PCDH9: variants seen among roughly 807,000 people sequenced by gnomAD.
PCDH9 encodes protocadherin 9, also known as protocadherin-9.
Under a neutral mutation model 70.6 loss-of-function variants are expected in PCDH9, and 24 were observed. That is an observed-to-expected ratio of 0.34 (90% confidence interval 0.25 to 0.48). The LOEUF (loss-of-function observed/expected upper bound fraction) is 0.48, where lower values mean the gene tolerates loss of function less well. Among genes scored for constraint, PCDH9 ranks in the 20% least tolerant of loss-of-function variants. PCDH9 has a pLI of 0.99. For synonymous variants in PCDH9, 562 were observed against 558.5 expected (o/e 1.01, Z -0.09); for missense variants, 1,281 against 1,503.6 (o/e 0.85, Z 2.45).
intron 3 of PCDH9, among the ~76,000 whole-genome samples, chr13:66,635,852 T>C (rs1293811842): frequency 1.3e-5 from 2 of 152,138 alleles, no homozygotes; most frequent in African/African-American, 4.8e-5. Context: ...GTTTTCTGCA[T>C]AAAATAGTCT....
At chr13:66,325,353 T>C (rs1305160444) in intron 4 of PCDH9, among the ~76,000 whole-genome samples, 18 of 152,068 alleles carry the variant, frequency 1.2e-4, no homozygotes, top group Admixed American at 1.1e-3. Context: ...CCCAGCTCCA[T>C]GAATTAAGGT....
At chr13:66,874,984 G>C (rs1478738693) in intron 3 of PCDH9, among the ~76,000 whole-genome samples, 1 of 150,964 alleles carries the variant, frequency 6.6e-6, no homozygotes, top group African/African-American at 2.4e-5. Context: ...ATGTAGAAGG[G>C]GGAGGGAGGA....
rs66460017 is a variant in PCDH9 at position 67,214,935 on chromosome 13, G to GATATATATATATATATATATAT, written c.3036+10448_3036+10469dup. ...CTGAGTGTCTGGCTATTGCGAGCCA[G>GATATATATATATATATATATAT]ATATATATATATATATATATATATA... On this transcript the variant is annotated intron_variant, in intron 2 of 4. Coordinates refer to ENST00000377865, the MANE Select transcript of PCDH9 (RefSeq NM_203487.3). 712 of 89,180 alleles carry GATATATATATATATATATATAT rather than the reference G, an allele frequency of 8.0e-3. 202 individuals carry two copies. Among genetic ancestry groups the GATATATATATATATATATATAT allele is most frequent in the Middle Eastern group, 0.019 (3 of 154 alleles). 5.5% of individuals were successfully genotyped at this position (89,180 alleles called of 1,614,324 possible).
At chr13:66,613,360 C>T (rs1566455939) in intron 4 of PCDH9, among the ~76,000 whole-genome samples, 1 of 152,094 alleles carries the variant, frequency 6.6e-6, no homozygotes, top group Admixed American at 6.5e-5. Context: ...ATTTTTAAAC[C>T]TTTTGTCTTG....
At chr13:66,685,207 T>G (rs1309666513) in intron 3 of PCDH9, among the ~76,000 whole-genome samples, 1 of 152,070 alleles carries the variant, frequency 6.6e-6, no homozygotes, top group African/African-American at 2.4e-5. Context: ...AAAAATGGTG[T>G]TGTGGGCCAG....
chr13:66,412,046 T>C (rs1957379921), intron 4 of PCDH9, among the ~76,000 whole-genome samples: 1 of 152,230 alleles, frequency 6.6e-6, no homozygotes, highest in African/African-American at 2.4e-5. Context: ...TTACCTGCTG[T>C]TGACCTTTTC....
At chr13:67,132,195 A>T (rs896656459) in intron 2 of PCDH9, among the ~76,000 whole-genome samples, 1 of 152,186 alleles carries the variant, frequency 6.6e-6, no homozygotes, top group Admixed American at 6.6e-5. Flanking sequence ...TATAAAAACA[A>T]GAAAAGAATG....
At chr13:66,424,750 A>T (rs1957639370) in intron 4 of PCDH9, among the ~76,000 whole-genome samples, 1 of 151,974 alleles carries the variant, frequency 6.6e-6, no homozygotes, top group Admixed American at 6.6e-5. Flanking sequence ...GTCTGAGATG[A>T]TCACATTTAT....
chr13:67,089,729 C>T (rs556207352), intron 2 of PCDH9, among the ~76,000 whole-genome samples: 3 of 152,062 alleles, frequency 2.0e-5, no homozygotes, highest in East Asian at 3.9e-4. Context: ...ATAGTCAATC[C>T]TCTAGAACAT....
At chr13:66,938,338 C>T (rs993973539) in intron 2 of PCDH9, among the ~76,000 whole-genome samples, 2 of 152,038 alleles carry the variant, frequency 1.3e-5, no homozygotes, top group Non-Finnish European at 2.9e-5. Context: ...TAAAGCATTG[C>T]TATTTGAAAA....
chr13:66,422,878 T>C (rs904845969), intron 4 of PCDH9, among the ~76,000 whole-genome samples: 1 of 152,040 alleles, frequency 6.6e-6, no homozygotes, highest in African/African-American at 2.4e-5. Flanking sequence ...AGCTGGTTTT[T>C]TGAAAAAGAT....
chr13:66,674,687 A>G (rs1332239489), intron 3 of PCDH9, among the ~76,000 whole-genome samples: 1 of 152,106 alleles, frequency 6.6e-6, no homozygotes, highest in Non-Finnish European at 1.5e-5. Context: ...CTCTATGGCA[A>G]TTGTTGATAT....
intron 2 of PCDH9, among the ~76,000 whole-genome samples, chr13:66,951,929 T>C (rs982481088): frequency 2.6e-5 from 4 of 152,128 alleles, no homozygotes; most frequent in Non-Finnish European, 5.9e-5. Flanking sequence ...CCCCTTCCTA[T>C]AAAATAAACA....
chr13:66,374,354 A>C (rs1278952320), intron 4 of PCDH9, among the ~76,000 whole-genome samples: 1 of 152,054 alleles, frequency 6.6e-6, no homozygotes, highest in Non-Finnish European at 1.5e-5. Context: ...CAGAACATGA[A>C]GAGGAGATAG....
chr13:67,127,676 A>ATATGTG (rs1555310054), intron 2 of PCDH9, among the ~76,000 whole-genome samples: 10,381 of 145,412 alleles, frequency 0.071, 381 homozygotes, highest in Non-Finnish European at 0.083. Context: ...ATATATATAT[A>ATATGTG]TGTGTGTGTG....
intron 2 of PCDH9, among the ~76,000 whole-genome samples, chr13:67,095,902 T>C (rs181471326): frequency 9.8e-5 from 15 of 152,290 alleles, no homozygotes; most frequent in Non-Finnish European, 2.1e-4. Context: ...AGAAACTAAA[T>C]GCCTTTGCTA....
intron 2 of PCDH9, among the ~76,000 whole-genome samples, chr13:66,906,429 C>T (rs17081998): frequency 0.017 from 2,554 of 152,278 alleles, 69 homozygotes; most frequent in African/African-American, 0.057. Context: ...TAGAATTGGA[C>T]TTAATATAAG....
chr13:66,400,490 C>A (rs1480972807), intron 4 of PCDH9, among the ~76,000 whole-genome samples: 1 of 152,106 alleles, frequency 6.6e-6, no homozygotes, highest in African/African-American at 2.4e-5. Flanking sequence ...CCAATTATAG[C>A]TTTTCTGCAG....
At chr13:66,470,755 T>A (rs1958603316) in intron 4 of PCDH9, among the ~76,000 whole-genome samples, 1 of 151,052 alleles carries the variant, frequency 6.6e-6, no homozygotes, top group Admixed American at 6.6e-5. Context: ...GAAGCTCACA[T>A]AAGAATTAGC....
Sources: gnomAD v4.1 joint callset for allele counts (sites outside exome capture counted in the v4.1 genomes callset) on GRCh38, gnomAD v4.1.1 for gene constraint, MANE v1.5 for transcripts, NCBI Gene and HGNC (gene_info 2026-07-23, HGNC 2026-07-21) for gene names.